Variants in NUP153 observed in about 807,000 individuals in gnomAD.
The protein encoded by NUP153 is nucleoporin 153, also known as nuclear pore complex protein Nup153.
In NUP153, 27 loss-of-function variants were observed where a neutral mutation model predicts 134.6. The observed-to-expected ratio is 0.20, with a 90% CI of 0.15 to 0.28. The LOEUF is 0.28. NUP153 is among the 10% of genes least tolerant of loss of function. NUP153 has a pLI of 1.00. For synonymous variants in NUP153, 640 were observed against 623.5 expected (o/e 1.03, Z -0.40); for missense variants, 1,821 against 1,731.3 (o/e 1.05, Z -0.92).
intron 13 of NUP153, among the ~76,000 whole-genome samples, chr6:17,646,495 C>G (rs1766191483): frequency 6.6e-6 from 1 of 152,138 alleles, no homozygotes; most frequent in Non-Finnish European, 1.5e-5. Context: ...CGTGAGCCAC[C>G]GCGCCTGGCC....
At chr6:17,646,918 C>CTTTTTTTT (rs376244443) in intron 13 of NUP153, among the ~76,000 whole-genome samples, 1 of 131,114 alleles carries the variant, frequency 7.6e-6, no homozygotes, top group Non-Finnish European at 1.6e-5. Context: ...TCTGTATTTT[C>CTTTTTTTT]TTTTTTTTTT....
At chr6:17,640,657 G>A (rs1581689563) in intron 14 of NUP153, among the ~76,000 whole-genome samples, 1 of 152,272 alleles carries the variant, frequency 6.6e-6, no homozygotes, top group East Asian at 1.9e-4. Context: ...CTTGTTGTCA[G>A]CAAGGCCGGA....
intron 17 of NUP153, among the ~76,000 whole-genome samples, chr6:17,631,935 C>T (rs536598664): frequency 2.6e-5 from 4 of 152,046 alleles, no homozygotes; most frequent in South Asian, 2.1e-4. Context: ...CACTGCACTC[C>T]GGCCTGGGCG....
intron 11 of NUP153, among the ~76,000 whole-genome samples, chr6:17,656,929 T>C (rs1362645295): frequency 3.3e-5 from 5 of 152,142 alleles, no homozygotes. Flanking sequence ...CTCTAGTTGG[T>C]CATATTAGTT....
rs1222579879 is a variant in NUP153, at chr6:17,625,635, CAG to C, written c.3901+171_3901+172del. Among the ~76,000 whole-genome samples the C allele has an allele frequency of 2.6e-5, 4 of 152,232 alleles. No homozygotes were observed. The highest frequency in any genetic ancestry group is 7.2e-5 in the African/African-American group (3 of 41,460). Reference sequence around the variant, plus strand: ...GAGGTAAATATGTTAAAGTTGAACACAGAGAGTGTACATTATTCCATACAGTG... The same window carrying C: ...GAGGTAAATATGTTAAAGTTGAACACAGAGTGTACATTATTCCATACAGTG... On this transcript the variant is annotated intron_variant, in intron 19 of 21. Transcript: ENST00000262077. The surrounding 1 kb of genome is among the most constrained non-coding windows in gnomAD (Gnocchi z 4.7).
chr6:17,639,581 A>G (rs971994509), intron 15 of NUP153, among the ~76,000 whole-genome samples: 8 of 152,166 alleles, frequency 5.3e-5, no homozygotes, highest in African/African-American at 9.7e-5. Flanking sequence ...GCCTTGTTCC[A>G]TATTTACCAA....
rs745965862 is a variant in NUP153, at chr6:17,637,365, C to G, written c.2252G>C (p.Gly751Ala). ...TGTAAGGGCTCGCTTCACACAAGTT[C>G]CAGGTTTCGGTGTTTCACAGGCTAC... Reference protein sequence around the residue: ...KCVACETPKPGTCVKRALTLT... With the variant: ...KCVACETPKPATCVKRALTLT... The change falls in exon 16 of 22, where the codon GGA (glycine) becomes GCA (alanine). Residue 751 changes from glycine (G) to alanine (A), a missense_variant. Transcript: ENST00000262077. 2.5e-6 allele frequency: 4 copies of G among 1,614,182 alleles called. No homozygotes were observed. The highest frequency in any genetic ancestry group is 3.4e-6 in the Non-Finnish European group (4 of 1,180,032).
intron 1 of NUP153, among the ~76,000 whole-genome samples, chr6:17,696,484 G>A (rs890522434): frequency 6.6e-5 from 10 of 152,160 alleles, no homozygotes; most frequent in Non-Finnish European, 1.2e-4. Flanking sequence ...GGCCAGGCAC[G>A]GTGGCTCACG....
At chr6:17,668,221 G>A (rs1767667973) in intron 8 of NUP153, among the ~76,000 whole-genome samples, 2 of 151,656 alleles carry the variant, frequency 1.3e-5, no homozygotes, top group African/African-American at 4.8e-5. Flanking sequence ...GATTACAGGT[G>A]CGCACCGCCA....
intron 15 of NUP153, 137 bp downstream of exon 15, chr6:17,639,802 T>C: frequency 1.4e-6 from 1 of 691,808 alleles, no homozygotes; most frequent in Non-Finnish European, 2.3e-6. Flanking sequence ...GAATTACACC[T>C]AACTACATCT....
At chr6:17,646,259 G>C in intron 13 of NUP153, 105 bp from the exon 14 acceptor site, 1 of 534,018 alleles carries the variant, frequency 1.9e-6, no homozygotes, top group Admixed American at 3.3e-5. Context: ...CCAGGCTGGA[G>C]TGCAGTGGCG....
chr6:17,646,939 T>C (rs1215066971), intron 13 of NUP153, among the ~76,000 whole-genome samples: 2 of 134,648 alleles, frequency 1.5e-5, no homozygotes, highest in Admixed American at 7.7e-5. Context: ...TTTTTTTTAG[T>C]AGAGACGAGG....
chr6:17,705,589 G>C (rs1191661003), intron 1 of NUP153, among the ~76,000 whole-genome samples: 8 of 150,618 alleles, frequency 5.3e-5, no homozygotes, highest in Non-Finnish European at 7.4e-5. Flanking sequence ...CGGTGTTGGG[G>C]GGGGGGAGGG....
Position 17,675,577 on chromosome 6 carries a change from A to C in NUP153, c.528T>G (p.His176Gln), listed in dbSNP as rs145527673. 4 of 1,614,026 alleles carry C rather than the reference A, an allele frequency of 2.5e-6. No homozygotes were observed. The highest frequency in any genetic ancestry group is 3.4e-6 in the Non-Finnish European group (4 of 1,179,854). Residue 176 changes from histidine (H) to glutamine (Q), a missense_variant, in exon 3 of 22, where the codon CAT becomes CAG. Transcript: ENST00000262077. This position sits in a 1 kb window ranked among gnomAD's most constrained non-coding sequence, Gnocchi z 4.4. ...VKEIKDSTSQ[H>Q]DDDNISTTSG... ...TGGTAGTTGAGATGTTATCATCATCATGCTGAGAGGTAGAATCTTTAATTT... is the reference window on the plus strand; with the variant it reads ...TGGTAGTTGAGATGTTATCATCATCCTGCTGAGAGGTAGAATCTTTAATTT...
chr6:17,698,322 G>A (rs1452617226), intron 1 of NUP153, among the ~76,000 whole-genome samples: 9 of 152,208 alleles, frequency 5.9e-5, no homozygotes, highest in Non-Finnish European at 1.0e-4. Context: ...TCCAAGCACC[G>A]TGGCTCACGC....
intron 10 of NUP153, 23 bp downstream of exon 10, chr6:17,661,995 A>T: frequency 6.6e-7 from 1 of 1,517,386 alleles, no homozygotes; most frequent in Non-Finnish European, 9.1e-7. Flanking sequence ...AAAGAAGTAT[A>T]GCTGTATAAG....
chr6:17,684,991 A>C (rs1351132130), intron 2 of NUP153, among the ~76,000 whole-genome samples: 1 of 152,224 alleles, frequency 6.6e-6, no homozygotes, highest in South Asian at 2.1e-4. Flanking sequence ...ACATAATTTA[A>C]AAGTTTGAAA....
rs532103408 is a variant in NUP153, at chr6:17,698,618, G to C, written c.111+7659C>G. On this transcript the variant is annotated intron_variant, in intron 1 of 21. Coordinates refer to ENST00000262077, the MANE Select transcript of NUP153 (RefSeq NM_005124.4). ...CGGGGCGTGGTGGTGGGCACCTGTA[G>C]TCCCAGCTACTTGGGAGGCTGAGGC... 1.6e-4 allele frequency among the ~76,000 whole-genome samples: 24 copies of C among 151,860 alleles called. 1 individual carries two copies. In the South Asian group the frequency reaches 4.6e-3, roughly 29 times the overall value.
intron 1 of NUP153, among the ~76,000 whole-genome samples, chr6:17,695,491 T>C (rs2113858809): frequency 6.6e-6 from 1 of 152,334 alleles, no homozygotes; most frequent in East Asian, 1.9e-4. Flanking sequence ...TTTTAATTAG[T>C]ATCTTATTGT....
Sources: allele counts gnomAD v4.1 joint callset (sites outside exome capture counted in the v4.1 genomes callset), GRCh38; gene constraint gnomAD v4.1.1; non-coding constraint Gnocchi (gnomAD v3.1); transcripts MANE v1.5; gene names NCBI Gene and HGNC (gene_info 2026-07-23, HGNC 2026-07-21).